Variants in ZNF385D observed in about 807,000 individuals in gnomAD.
ZNF385D encodes the protein zinc finger protein 659.
A neutral mutation model predicts 35.8 loss-of-function variants in ZNF385D; 15 were observed. The observed-to-expected ratio is 0.42, with a 90% confidence interval of 0.28 to 0.64. The LOEUF (loss-of-function observed/expected upper bound fraction) is 0.64, where lower values mean the gene tolerates loss of function less well. ZNF385D is among the 30% of genes least tolerant of loss of function. ZNF385D has a pLI of 0.23. For synonymous variants in ZNF385D, 212 were observed against 186.8 expected (o/e 1.13, Z -1.10); for missense variants, 474 against 494.6 (o/e 0.96, Z 0.39).
rs146176296 is a variant in ZNF385D, at chr3:21,541,345, G to C, written c.276+23229C>G. Reference sequence around the variant, plus strand: ...TAAATGGGAAATCTCTGTACCTTCTGCTTAATACTACTGTGAGCCTCAAAC... The same window carrying C: ...TAAATGGGAAATCTCTGTACCTTCTCCTTAATACTACTGTGAGCCTCAAAC... On this transcript the variant is annotated intron_variant, in intron 3 of 7. Transcript: ENST00000281523. 1.9e-3 allele frequency among the ~76,000 whole-genome samples: 284 copies of C among 152,272 alleles called. 2 individuals are homozygous for C. Among genetic ancestry groups the C allele is most frequent in the African/African-American group, 6.7e-3 (277 of 41,548 alleles).
At chr3:22,110,100 A>T (rs1260883291) in intron 3 of ZNF385D, among the ~76,000 whole-genome samples, 1 of 152,068 alleles carries the variant, frequency 6.6e-6, no homozygotes, top group Non-Finnish European at 1.5e-5. Flanking sequence ...ATCATCTCAC[A>T]CCAGTTAGAA....
intron 3 of ZNF385D, among the ~76,000 whole-genome samples, chr3:21,934,921 G>T (rs1553084): frequency 0.42 from 64,309 of 151,952 alleles, 14,217 homozygotes; most frequent in Non-Finnish European, 0.5. Context: ...ATAGAAGTCT[G>T]ACTGCACATA....
Position 21,742,057 on chromosome 3 carries a change from T to A in ZNF385D, c.22+8838A>T, listed in dbSNP as rs181272248. On this transcript the variant is annotated intron_variant, in intron 1 of 7. Coordinates refer to ENST00000281523, the MANE Select transcript of ZNF385D (RefSeq NM_024697.3). ...CTGAACATTTATTTCCAAGTTGTTATTTTTCAAACTCCCCACTTCTTTTAC... is the reference window on the plus strand; with the variant it reads ...CTGAACATTTATTTCCAAGTTGTTAATTTTCAAACTCCCCACTTCTTTTAC... 8.6e-4 allele frequency among the ~76,000 whole-genome samples: 125 copies of A among 146,046 alleles called. 3 individuals carry two copies. The highest frequency in any genetic ancestry group is 3.1e-3 in the African/African-American group (123 of 39,778).
intron 3 of ZNF385D, among the ~76,000 whole-genome samples, chr3:21,892,138 A>G (rs1280807119): frequency 1.3e-5 from 2 of 152,190 alleles, no homozygotes; most frequent in African/African-American, 4.8e-5. Flanking sequence ...CTGAATGAAA[A>G]TATCACTACA....
intron 3 of ZNF385D, among the ~76,000 whole-genome samples, chr3:21,562,406 C>A (rs140178633): frequency 2.0e-5 from 3 of 152,128 alleles, no homozygotes; most frequent in African/African-American, 7.2e-5. Flanking sequence ...AATAGAACCA[C>A]TGTCTGGAAA....
chr3:21,651,410 G>C (rs980682172), intron 2 of ZNF385D, among the ~76,000 whole-genome samples: 1 of 151,086 alleles, frequency 6.6e-6, no homozygotes, highest in Admixed American at 6.6e-5. Context: ...AGCTAAAATG[G>C]AACATATTCA....
intron 2 of ZNF385D, among the ~76,000 whole-genome samples, chr3:22,324,144 G>C (rs1386146313): frequency 1.3e-5 from 2 of 152,126 alleles, no homozygotes; most frequent in Non-Finnish European, 2.9e-5. Context: ...ACATGGTAAG[G>C]AACTTCTAGA....
chr3:22,050,358 T>G (rs1699274144), intron 3 of ZNF385D, among the ~76,000 whole-genome samples: 1 of 151,496 alleles, frequency 6.6e-6, no homozygotes, highest in Non-Finnish European at 1.5e-5. Context: ...CAAGACTCTG[T>G]CAAAAAAACA....
At chr3:22,191,524 T>G (rs1011187240) in intron 2 of ZNF385D, among the ~76,000 whole-genome samples, 1 of 151,898 alleles carries the variant, frequency 6.6e-6, no homozygotes, top group Non-Finnish European at 1.5e-5. Context: ...TTTCCTAATG[T>G]GATCACTTAG....
chr3:21,586,431 T>C (rs1357932977), intron 2 of ZNF385D, among the ~76,000 whole-genome samples: 1 of 152,142 alleles, frequency 6.6e-6, no homozygotes, highest in South Asian at 2.1e-4. Flanking sequence ...GAGGGCCAAA[T>C]AAACAGGAGA....
At chr3:21,800,847 T>A (rs572140903) in intron 3 of ZNF385D, among the ~76,000 whole-genome samples, 5 of 152,140 alleles carry the variant, frequency 3.3e-5, no homozygotes, top group Admixed American at 3.3e-4. Context: ...CTTTTTCAAT[T>A]TGTATACTTT....
chr3:22,249,751 G>A (rs1443482523), intron 2 of ZNF385D, among the ~76,000 whole-genome samples: 1 of 152,174 alleles, frequency 6.6e-6, no homozygotes, highest in Non-Finnish European at 1.5e-5. Flanking sequence ...TTGAAATTAT[G>A]CTGAGCCTCA....
intron 2 of ZNF385D, among the ~76,000 whole-genome samples, chr3:22,290,598 C>T (rs141742328): frequency 1.2e-4 from 19 of 152,256 alleles, no homozygotes; most frequent in African/African-American, 3.1e-4. Context: ...GGCCTCTGCC[C>T]GCCCCTCCTT....
chr3:22,050,529 G>A, intron 3 of ZNF385D, among the ~76,000 whole-genome samples: 1 of 152,160 alleles, frequency 6.6e-6, no homozygotes, highest in South Asian at 2.1e-4. Flanking sequence ...GTTCTTTATT[G>A]GTCTGTTAAG....
chr3:22,317,795 T>C (rs1194972959), intron 2 of ZNF385D, among the ~76,000 whole-genome samples: 1 of 152,178 alleles, frequency 6.6e-6, no homozygotes, highest in African/African-American at 2.4e-5. Context: ...GCATGGTGAC[T>C]CACTCATGTA....
rs74675139 is a variant in ZNF385D at position 22,141,110 on chromosome 3, A to G, written c.325+27707T>C. 2.9e-3 allele frequency among the ~76,000 whole-genome samples: 437 copies of G among 152,352 alleles called. 7 individuals carry two copies. In the East Asian group the frequency reaches 0.05, roughly 17 times the overall value. ...GAAAGCCAACTATTTAAAAGGCAAC[A>G]TATTTCATTACTTAAAAACATAAGA... On this transcript the variant is annotated intron_variant, in intron 3 of 5. Transcript: ENST00000494108.
intron 2 of ZNF385D, among the ~76,000 whole-genome samples, chr3:22,195,462 T>G (rs1451414839): frequency 1.3e-5 from 2 of 152,014 alleles, no homozygotes; most frequent in Admixed American, 1.3e-4. Context: ...TTCTTTAATA[T>G]ACTATGCTTT....
intron 2 of ZNF385D, among the ~76,000 whole-genome samples, chr3:22,339,275 A>G (rs971225986): frequency 6.6e-6 from 1 of 152,226 alleles, no homozygotes; most frequent in East Asian, 1.9e-4. Context: ...AAGTTGCCCA[A>G]GTGCGTAAGT....
At chr3:21,961,424 C>T (rs1048480325) in intron 3 of ZNF385D, 1 of 151,442 alleles carries the variant, frequency 6.6e-6, no homozygotes, top group Non-Finnish European at 1.5e-5. Flanking sequence ...AGGTATTTTG[C>T]CAAAAAAATT....
Sources: allele counts gnomAD v4.1 joint callset (sites outside exome capture counted in the v4.1 genomes callset), GRCh38; gene constraint gnomAD v4.1.1; transcripts MANE v1.5; gene names NCBI Gene and HGNC (gene_info 2026-07-23, HGNC 2026-07-21).